The following EFNA4 variants were observed in gnomAD, a reference collection of about 807,000 sequenced individuals.
The protein encoded by EFNA4 is ephrin-A4.
A neutral mutation model predicts 23.7 loss-of-function variants in EFNA4; 22 were observed. The ratio of observed to expected loss-of-function variants is 0.93; its 90% confidence interval spans 0.66 to 1.32. EFNA4 has a LOEUF of 1.32. Among genes scored for constraint, EFNA4 ranks in the 40% most tolerant of loss-of-function variants. The pLI is 0.00. For synonymous variants in EFNA4, 113 were observed against 108.3 expected, an observed-to-expected ratio of 1.04 and a Z score of -0.27; for missense variants, 252 against 252.3, an observed-to-expected ratio of 1.00 and a Z score of 0.01.
At chr1:155,064,134 G>A (rs1010122422) in intron 1 of EFNA4, among the ~76,000 whole-genome samples, 198 bp downstream of exon 1, 1 of 152,222 alleles carries the variant, frequency 6.6e-6, no homozygotes, top group Non-Finnish European at 1.5e-5. Context: ...GCATGTGTTG[G>A]GGGGCAGGCA....
At chr1:155,065,614 A>G (rs926675258) in intron 1 of EFNA4, among the ~76,000 whole-genome samples, 3 of 149,698 alleles carry the variant, frequency 2.0e-5, no homozygotes, top group Admixed American at 6.7e-5. Flanking sequence ...ATAATAGCTC[A>G]CTACAGGAAC....
In EFNA4 at chr1:155,066,791, C is replaced by A. The variant is rs752523859; in HGVS notation, c.175C>A (p.Pro59Thr). 1 of 1,612,118 alleles carries A rather than the reference C, an allele frequency of 6.2e-7. No individual in the cohort carries two copies. Among genetic ancestry groups the A allele is most frequent in the South Asian group, 1.1e-5 (1 of 90,842 alleles). ...CAACGATTACCTAGACATTGTCTGC[C>A]CCCACTACGAAGGCCCAGGGCCCCC... ...GLNDYLDIVC[P>T]HYEGPGPPEG... Residue 59 changes from proline (P) to threonine (T), a missense_variant, in exon 2 of 4, where the codon CCC (proline) becomes ACC (threonine). Pro to Thr is a conservative substitution (Grantham distance 38). Coordinates refer to ENST00000368409, the MANE Select transcript of EFNA4 (RefSeq NM_005227.3).
In EFNA4 at chr1:155,066,811, G is replaced by T. The variant is rs781461644; in HGVS notation, c.195G>T (p.Gly65=). 7 of 1,613,696 alleles carry T rather than the reference G, an allele frequency of 4.3e-6. No homozygotes were observed. The Admixed American group carries it at 1.2e-4, about 27-fold the overall frequency. ...DIVCPHYEGP[G]PPEGPETFAL... ...TCTGCCCCCACTACGAAGGCCCAGG[G>T]CCCCCTGAGGGCCCCGAGACGTTTG... is the stretch of plus-strand genomic sequence containing the variant. The change falls in exon 2 of 4, where the codon GGG becomes GGT. Residue 65 remains glycine (G), a synonymous_variant. Transcript: ENST00000368409.
chr1:155,066,919 G>C lies in EFNA4; in HGVS notation c.303G>C (p.Leu101=), dbSNP rs953962875. The C allele has an allele frequency of 4.3e-6, 7 of 1,614,022 alleles. No individual in the cohort carries two copies. The highest frequency in any genetic ancestry group is 5.9e-6 in the Non-Finnish European group (7 of 1,180,046). Residue 101 remains leucine, a synonymous_variant, in exon 2 of 4, where the codon CTG becomes CTC. Coordinates refer to ENST00000368409, the MANE Select transcript of EFNA4 (RefSeq NM_005227.3). ...CCTACAAGCGCTGGGTGTGCTCCCT[G>C]CCCTTTGGCCATGTTCAATTCTCAG... The part of the protein sequence containing the change: ...PRAYKRWVCS[L]PFGHVQFSEK...
intron 1 of EFNA4, among the ~76,000 whole-genome samples, chr1:155,065,882 G>A (rs982094600): frequency 6.6e-6 from 1 of 152,022 alleles, no homozygotes; most frequent in Admixed American, 6.6e-5. Context: ...ACAGGTGCCC[G>A]CCACCACGCC....
chr1:155,068,564 G>A (rs1558140864), intron 3 of EFNA4, among the ~76,000 whole-genome samples: 1 of 150,758 alleles, frequency 6.6e-6, no homozygotes, highest in Non-Finnish European at 1.5e-5. Context: ...TTACAGGCGT[G>A]AGCCATCACA....
At chr1:155,065,080 C>G (rs531435401) in intron 1 of EFNA4, among the ~76,000 whole-genome samples, 1 of 152,340 alleles carries the variant, frequency 6.6e-6, no homozygotes, top group South Asian at 2.1e-4. Context: ...GTTTCTGGCT[C>G]ATTCATTCAA....
At chr1:155,067,529 T>A (rs1336647572) in intron 3 of EFNA4, 89 bp downstream of exon 3, 2 of 1,448,076 alleles carry the variant, frequency 1.4e-6, no homozygotes, top group African/African-American at 2.8e-5. Context: ...AGGATCAGAC[T>A]CCAGGGGTCC....
In EFNA4 at chr1:155,067,426, G is replaced by A. The variant is rs768333356; in HGVS notation, c.455G>A (p.Cys152Tyr). The change falls in exon 3 of 4, where the codon TGC becomes TAC. Residue 152 changes from cysteine to tyrosine, a missense_variant. Transcript: ENST00000368409. The part of the protein sequence containing the change: ...GQCLRLQVSV[C>Y]CKERKSESAH... ...TGCTTGAGGCTCCAGGTGTCTGTCT[G>A]CTGCAAGGAGAGGAGTAAGTGGGTT... 6.2e-7 allele frequency: 1 copy of A among 1,614,206 alleles called. No individual in the cohort carries two copies. Among genetic ancestry groups the A allele is most frequent in the Admixed American group, 1.7e-5 (1 of 60,024 alleles).
In EFNA4 at chr1:155,063,915, A is replaced by C. The variant is rs1662893722; in HGVS notation, c.92A>C (p.Tyr31Ser). 6.4e-7 allele frequency: 1 copy of C among 1,566,862 alleles called. No individual in the cohort carries two copies. The highest frequency in any genetic ancestry group is 2.4e-5 in the East Asian group (1 of 40,946). ...GGCTCCAGCCTCCGCCACGTAGTCT[A>C]CTGGAACTCCAGTAACCCCAGGTAG... The part of the protein sequence containing the change: ...RGGSSLRHVV[Y>S]WNSSNPRLLR... Residue 31 changes from tyrosine (Y) to serine (S), a missense_variant, in exon 1 of 4, where the codon TAC becomes TCC. By Grantham distance (144) the Tyr-to-Ser change is moderately radical. Transcript: ENST00000368409. This position sits in a 1 kb window ranked among gnomAD's most constrained non-coding sequence, Gnocchi z 4.1.
At position 155,069,023 on chromosome 1, in the gene EFNA4, C is replaced by T. The variant is rs202246914; in HGVS notation, c.*34C>T. On this transcript the variant is annotated 3_prime_UTR_variant, in exon 4 of 4. Transcript: ENST00000368409. ...GACCTTCCCTCTCATCCCAAGGAGC[C>T]AGAGTCCTCCCAAGATCCCCTGGAG... The T allele has an allele frequency of 6.2e-7, 1 of 1,612,846 alleles. No individual in the cohort carries two copies. Among genetic ancestry groups the T allele is most frequent in the South Asian group, 1.1e-5 (1 of 91,016 alleles).
At chr1:155,065,611 C>G (rs1263446861) in intron 1 of EFNA4, among the ~76,000 whole-genome samples, 4 of 151,242 alleles carry the variant, frequency 2.6e-5, no homozygotes, top group African/African-American at 9.7e-5. Context: ...GGCATAATAG[C>G]TCACTACAGG....
chr1:155,064,879 A>C (rs1363483241), intron 1 of EFNA4, among the ~76,000 whole-genome samples: 1 of 152,214 alleles, frequency 6.6e-6, no homozygotes, highest in Non-Finnish European at 1.5e-5. Context: ...CTGGGATTCC[A>C]CAGACTCTCT....
At chr1:155,068,024 G>C (rs1571654568) in intron 3 of EFNA4, among the ~76,000 whole-genome samples, 1 of 151,884 alleles carries the variant, frequency 6.6e-6, no homozygotes, top group South Asian at 2.1e-4. Context: ...GGGTTCAAGC[G>C]ATTCTCCTGC....
chr1:155,064,018 G>A, intron 1 of EFNA4, 82 bp downstream of exon 1: 1 of 1,277,106 alleles, frequency 7.8e-7, no homozygotes. Context: ...CGCTCTTTGC[G>A]CGGCGCCGCC....
intron 2 of EFNA4, 106 bp downstream of exon 2, chr1:155,067,122 G>C (rs1663072127): frequency 1.4e-6 from 2 of 1,381,606 alleles, no homozygotes; most frequent in Admixed American, 2.2e-5. Context: ...ATGTACATCG[G>C]GTTGAGGTAT....
chr1:155,067,430 C>G lies in EFNA4; in HGVS notation c.459C>G (p.Cys153Trp). 1 of 1,614,130 alleles carries G rather than the reference C, an allele frequency of 6.2e-7. No homozygotes were observed. Among genetic ancestry groups the G allele is most frequent in the Non-Finnish European group, 8.5e-7 (1 of 1,180,028 alleles). Residue 153 changes from cysteine (C) to tryptophan (W), a missense_variant, in exon 3 of 4, where the codon TGC becomes TGG. Transcript: ENST00000368409. ...QCLRLQVSVC[C>W]KERKSESAHP... Reference sequence around the variant, plus strand: ...TGAGGCTCCAGGTGTCTGTCTGCTGCAAGGAGAGGAGTAAGTGGGTTGGGA... The same window carrying G: ...TGAGGCTCCAGGTGTCTGTCTGCTGGAAGGAGAGGAGTAAGTGGGTTGGGA...
chr1:155,067,823 G>A (rs1210474300), intron 3 of EFNA4, among the ~76,000 whole-genome samples: 3 of 151,996 alleles, frequency 2.0e-5, no homozygotes, highest in South Asian at 2.1e-4. Context: ...GGGTTTCACC[G>A]TGTTAGCCAG....
Position 155,065,088 on chromosome 1 carries a change from C to T in EFNA4, c.113+1152C>T, listed in dbSNP as rs76992047. Among the ~76,000 whole-genome samples, 631 of 152,348 alleles carry T rather than the reference C, an allele frequency of 4.1e-3. 2 individuals are homozygous for T. The highest frequency in any genetic ancestry group is 7.6e-3 in the Non-Finnish European group (519 of 68,034). On this transcript the variant is annotated intron_variant, in intron 1 of 3. Transcript: ENST00000368409. ...TCTTAAGGTTTCTGGCTCATTCATTCAATCCACAAATATTTATTGAACACT... is the reference window on the plus strand; with the variant it reads ...TCTTAAGGTTTCTGGCTCATTCATTTAATCCACAAATATTTATTGAACACT...
Sources: allele counts gnomAD v4.1 joint callset (sites outside exome capture counted in the v4.1 genomes callset), GRCh38; gene constraint gnomAD v4.1.1; non-coding constraint Gnocchi (gnomAD v3.1); transcripts MANE v1.5; gene names NCBI Gene and HGNC (gene_info 2026-07-23, HGNC 2026-07-21).